Variants in GNB1L observed in about 807,000 individuals in gnomAD.
GNB1L encodes the protein guanine nucleotide-binding protein subunit beta-like protein 1.
Under a neutral mutation model 29.1 loss-of-function variants are expected in GNB1L, and 20 were observed. That is an observed-to-expected ratio of 0.69 (90% CI 0.48 to 1.00). GNB1L has a LOEUF of 1.00. GNB1L is among the 50% of genes least tolerant of loss of function. GNB1L has a pLI of 0.00. For synonymous variants in GNB1L, 193 were observed against 206.5 expected, an observed-to-expected ratio of 0.93 and a Z score of 0.56; for missense variants, 421 against 464.9, an observed-to-expected ratio of 0.91 and a Z score of 0.87.
At chr22:19,822,674 G>C (rs1937588670) in intron 2 of GNB1L, among the ~76,000 whole-genome samples, 1 of 152,236 alleles carries the variant, frequency 6.6e-6, no homozygotes, top group African/African-American at 2.4e-5. Context: ...AAGGCAGGGA[G>C]GATGGCCCAC....
At chr22:19,836,395 G>A (rs1482976595) in intron 2 of GNB1L, among the ~76,000 whole-genome samples, 2 of 150,806 alleles carry the variant, frequency 1.3e-5, no homozygotes, top group South Asian at 2.1e-4. Flanking sequence ...AATCCTTGGG[G>A]AAAAAAAAAA....
chr22:19,815,403 G>A (rs575559919), intron 4 of GNB1L, among the ~76,000 whole-genome samples: 72 of 152,318 alleles, frequency 4.7e-4, no homozygotes, highest in South Asian at 8.3e-4. Flanking sequence ...CAGCCCCCGT[G>A]GCTCTGCTAG....
rs1937381074 is a variant in GNB1L, at chr22:19,802,143, T to A, written c.590A>T (p.Glu197Val). Residue 197 changes from glutamate to valine, a missense_variant, in exon 7 of 8, where the codon GAG becomes GTG. Glu to Val is a moderately radical substitution (Grantham distance 121). Coordinates refer to ENST00000329517, the MANE Select transcript of GNB1L (RefSeq NM_053004.3). ...GGCGATGCGGCTGCACACCTTCTGCTCAGAGACGTCCCACAGGACCACCGA... is the reference window on the plus strand; with the variant it reads ...GGCGATGCGGCTGCACACCTTCTGCACAGAGACGTCCCACAGGACCACCGA... ...DGSVVLWDVSEQKVCSRIACH... is the reference protein window; with the variant it reads ...DGSVVLWDVSVQKVCSRIACH... 1 of 1,613,068 alleles carries A rather than the reference T, an allele frequency of 6.2e-7. No individual in the cohort carries two copies. Among genetic ancestry groups the A allele is most frequent in the African/African-American group, 1.3e-5 (1 of 74,894 alleles).
At chr22:19,848,868 C>T (rs1222551831) in intron 2 of GNB1L, 1 of 985,466 alleles carries the variant, frequency 1.0e-6, no homozygotes, top group Non-Finnish European at 1.2e-6. Context: ...GGGAAGGTGG[C>T]CTGTCCAGAA....
At chr22:19,851,217 C>T (rs1938086862) in intron 2 of GNB1L, 1 of 1,597,486 alleles carries the variant, frequency 6.3e-7, no homozygotes, top group African/African-American at 1.3e-5. Context: ...GGGGCCTCCA[C>T]CACCTCCTGT....
In GNB1L at chr22:19,851,856, T is replaced by A. The variant is rs761739987; in HGVS notation, c.-21+2587A>T. On this transcript the variant is annotated intron_variant, in intron 2 of 7. Coordinates refer to ENST00000329517, the MANE Select transcript of GNB1L (RefSeq NM_053004.3). ...CTGAGGATCTCGCAGACACGGCTGA[T>A]GTTGTCCTGATAGTGCTCAAAGTGG... is the stretch of plus-strand genomic sequence containing the variant. 1.9e-6 allele frequency: 3 copies of A among 1,613,344 alleles called. No homozygotes were observed. In the African/African-American group the frequency reaches 4.0e-5, roughly 22 times the overall value.
chr22:19,796,557 C>T (rs1001211181), intron 7 of GNB1L, among the ~76,000 whole-genome samples: 1 of 152,172 alleles, frequency 6.6e-6, no homozygotes, highest in Non-Finnish European at 1.5e-5. Flanking sequence ...GGAAAAAAAT[C>T]AAACATTCAG....
intron 7 of GNB1L, among the ~76,000 whole-genome samples, chr22:19,801,385 C>T (rs1435700447): frequency 1.3e-5 from 2 of 152,184 alleles, no homozygotes; most frequent in Non-Finnish European, 2.9e-5. Context: ...ACCAGCCTGA[C>T]CTGATCCCTC....
intron 2 of GNB1L, chr22:19,849,708 T>G: frequency 1.0e-6 from 1 of 985,452 alleles, no homozygotes; most frequent in East Asian, 1.1e-4. Context: ...TAATTAGTTT[T>G]TCCTAAAATA....
chr22:19,848,603 C>A, intron 2 of GNB1L: 5 of 985,502 alleles, frequency 5.1e-6, no homozygotes, highest in Non-Finnish European at 6.0e-6. Context: ...CTGGGCAGAG[C>A]CCAACCACAA....
chr22:19,804,846 G>A (rs996148409), intron 6 of GNB1L, among the ~76,000 whole-genome samples: 2 of 152,208 alleles, frequency 1.3e-5, no homozygotes, highest in African/African-American at 4.8e-5. Flanking sequence ...GCATTTTTCT[G>A]TTGGAATTTT....
chr22:19,851,550 TG>T, intron 2 of GNB1L: 1 of 1,613,216 alleles, frequency 6.2e-7, no homozygotes, highest in Non-Finnish European at 8.5e-7. Context: ...GGGGTGGCCA[TG>T]GCGGCTGGTA....
chr22:19,809,114 C>T (rs1182063281), intron 5 of GNB1L, among the ~76,000 whole-genome samples: 1 of 151,912 alleles, frequency 6.6e-6, no homozygotes, highest in African/African-American at 2.4e-5. Flanking sequence ...CTGCATTTCC[C>T]AAGACCACCC....
rs527346167 is a variant in GNB1L, at chr22:19,816,647, C to T, written c.254+3951G>A. On this transcript the variant is annotated intron_variant, in intron 4 of 7. Coordinates refer to ENST00000329517, the MANE Select transcript of GNB1L (RefSeq NM_053004.3). This position sits in a 1 kb window ranked among gnomAD's most constrained non-coding sequence, Gnocchi z 4.4. ...CACCACACACCTCATACACACCTCA[C>T]ATACATACACACCACACAGGCACCT... 2.0e-5 allele frequency among the ~76,000 whole-genome samples: 3 copies of T among 152,226 alleles called. No individual in the cohort carries two copies. In the South Asian group the frequency reaches 6.2e-4, roughly 32 times the overall value.
intron 5 of GNB1L, among the ~76,000 whole-genome samples, chr22:19,806,990 G>A (rs914341125): frequency 2.6e-5 from 4 of 152,346 alleles, no homozygotes; most frequent in East Asian, 3.9e-4. Flanking sequence ...CGACGTTACC[G>A]TGCAGGCTGA....
intron 2 of GNB1L, among the ~76,000 whole-genome samples, chr22:19,853,065 C>A (rs1183888750): frequency 6.6e-6 from 1 of 152,168 alleles, no homozygotes; most frequent in Admixed American, 6.5e-5. Context: ...TACCTGCTTC[C>A]CCGACAGAGC....
Position 19,812,401 on chromosome 22 carries a change from T to A in GNB1L, c.301A>T (p.Arg101Trp). 1 of 1,613,452 alleles carries A rather than the reference T, an allele frequency of 6.2e-7. No individual in the cohort carries two copies. The highest frequency in any genetic ancestry group is 8.5e-7 in the Non-Finnish European group (1 of 1,179,942). The change falls in exon 5 of 8, where the codon AGG becomes TGG. Residue 101 changes from arginine (R) to tryptophan (W), a missense_variant. Arg to Trp is a moderately radical substitution (Grantham distance 101). Coordinates refer to ENST00000329517, the MANE Select transcript of GNB1L (RefSeq NM_053004.3). ...KLCLWDLAEG[R>W]SAVVDSVCLE... ...CACACGGAGTCCACGACAGCGCTCC[T>A]GCCCTCCGCGAGGTCCCACAGGCAC...
chr22:19,789,038 T>G (rs1386260162), intron 7 of GNB1L, 78 bp from the exon 8 acceptor site: 3 of 1,466,368 alleles, frequency 2.0e-6, no homozygotes, highest in Non-Finnish European at 2.8e-6. Context: ...CACCTGCAGC[T>G]GGAACCAGGA....
At chr22:19,851,452 G>C (rs762201539) in intron 2 of GNB1L, 2 of 1,614,110 alleles carry the variant, frequency 1.2e-6, no homozygotes, top group African/African-American at 1.3e-5. Context: ...GCAGGACTGG[G>C]GGCTCCTTGG....
Sources: allele counts gnomAD v4.1 joint callset (sites outside exome capture counted in the v4.1 genomes callset), GRCh38; gene constraint gnomAD v4.1.1; non-coding constraint Gnocchi (gnomAD v3.1); transcripts MANE v1.5; gene names NCBI Gene and HGNC (gene_info 2026-07-23, HGNC 2026-07-21).